GTF2F2: variants seen among roughly 807,000 people sequenced by gnomAD.
GTF2F2 encodes the protein general transcription factor IIF subunit 2.
GTF2F2 carries 23 observed loss-of-function variants against 42.2 expected under a neutral mutation model. That is an observed-to-expected ratio of 0.55 (90% CI 0.39 to 0.77). The LOEUF (loss-of-function observed/expected upper bound fraction) is 0.77, where lower values mean the gene tolerates loss of function less well. Ranked by LOEUF, GTF2F2 falls within the 30% of genes least tolerant of loss-of-function variation. The pLI is 0.00. For missense variants in GTF2F2, 261 were observed against 287.2 expected (o/e 0.91, Z 0.66); for synonymous variants, 105 against 100.8 (o/e 1.04, Z -0.25).
intron 2 of GTF2F2, among the ~76,000 whole-genome samples, chr13:45,139,050 A>G (rs910985052): frequency 6.6e-6 from 1 of 152,260 alleles, no homozygotes; most frequent in African/African-American, 2.4e-5. Context: ...ATCTCAGCGC[A>G]TGTTAAAGCA....
At chr13:45,175,721 C>G (rs569725238) in intron 4 of GTF2F2, among the ~76,000 whole-genome samples, 1 of 152,284 alleles carries the variant, frequency 6.6e-6, no homozygotes, top group East Asian at 1.9e-4. Context: ...CTCCCGGGTT[C>G]AGGTGATTCT....
chr13:45,200,878 G>A (rs1873149596), intron 4 of GTF2F2, among the ~76,000 whole-genome samples: 1 of 152,190 alleles, frequency 6.6e-6, no homozygotes, highest in South Asian at 2.1e-4. Context: ...GTCGACACAG[G>A]TGTGATGTAA....
chr13:45,257,255 A>G (rs958114908), intron 6 of GTF2F2, among the ~76,000 whole-genome samples: 1 of 152,184 alleles, frequency 6.6e-6, no homozygotes, highest in Non-Finnish European at 1.5e-5. Context: ...AGAATACTCC[A>G]TTGAAATCGC....
chr13:45,247,474 C>T (rs886941324), intron 5 of GTF2F2, among the ~76,000 whole-genome samples: 4 of 151,862 alleles, frequency 2.6e-5, no homozygotes, highest in Admixed American at 6.6e-5. Context: ...CTCACTGCAA[C>T]CTCCGCCTCC....
intron 1 of GTF2F2, among the ~76,000 whole-genome samples, chr13:45,121,891 G>T (rs550525724): frequency 2.6e-5 from 4 of 151,020 alleles, no homozygotes; most frequent in Non-Finnish European, 5.9e-5. Flanking sequence ...CATGTTACTT[G>T]GGGGGAGAGT....
intron 4 of GTF2F2, among the ~76,000 whole-genome samples, chr13:45,189,977 C>T (rs1872561006): frequency 6.6e-6 from 1 of 152,132 alleles, no homozygotes; most frequent in South Asian, 2.1e-4. Context: ...ACACCAAAAG[C>T]AATGGCAACA....
intron 4 of GTF2F2, among the ~76,000 whole-genome samples, chr13:45,200,644 G>A (rs1873136695): frequency 6.6e-6 from 1 of 152,154 alleles, no homozygotes; most frequent in Non-Finnish European, 1.5e-5. Flanking sequence ...CAAGTAAAGA[G>A]CAGCTTTTTA....
At chr13:45,277,489 C>T (rs186903076) in intron 7 of GTF2F2, among the ~76,000 whole-genome samples, 4 of 152,256 alleles carry the variant, frequency 2.6e-5, no homozygotes, top group South Asian at 4.1e-4. Flanking sequence ...ATGAGAGTTC[C>T]GTCCCCATGA....
intron 4 of GTF2F2, among the ~76,000 whole-genome samples, chr13:45,167,956 T>C (rs1406384181): frequency 6.6e-6 from 1 of 152,216 alleles, no homozygotes; most frequent in Non-Finnish European, 1.5e-5. Context: ...CACCACCCAG[T>C]GTTGTTTACA....
At chr13:45,281,359 C>T (rs1877253159) in intron 7 of GTF2F2, among the ~76,000 whole-genome samples, 1 of 152,174 alleles carries the variant, frequency 6.6e-6, no homozygotes, top group South Asian at 2.1e-4. Flanking sequence ...TAGGTGACAA[C>T]CTACCCCTAA....
intron 4 of GTF2F2, among the ~76,000 whole-genome samples, chr13:45,159,138 C>G (rs1425313613): frequency 6.6e-6 from 1 of 152,194 alleles, no homozygotes. Flanking sequence ...ACATATTCCC[C>G]AGATAAAGTA....
In GTF2F2 at chr13:45,163,891, C is replaced by T. The variant is rs182684062; in HGVS notation, c.304+12060C>T. On this transcript the variant is annotated intron_variant, in intron 4 of 7. Coordinates refer to ENST00000340473, the MANE Select transcript of GTF2F2 (RefSeq NM_004128.3). ...ATTGAGGGCTGGATGTGGTGGCTCA[C>T]GCCTGTAATCTCAGCACTTTGGGAG... Among the ~76,000 whole-genome samples, 294 of 152,288 alleles carry T rather than the reference C, an allele frequency of 1.9e-3. 2 individuals are homozygous for T. The highest frequency in any genetic ancestry group is 1.3e-3 in the Non-Finnish European group (89 of 68,028).
At chr13:45,143,284 T>C (rs1262572679) in intron 2 of GTF2F2, among the ~76,000 whole-genome samples, 2 of 152,152 alleles carry the variant, frequency 1.3e-5, no homozygotes, top group Non-Finnish European at 2.9e-5. Context: ...TTTAAAAAAA[T>C]GTGTATTTGG....
intron 5 of GTF2F2, among the ~76,000 whole-genome samples, chr13:45,242,140 G>T (rs1875343104): frequency 6.6e-6 from 1 of 151,760 alleles, no homozygotes; most frequent in African/African-American, 2.4e-5. Context: ...TTAAAGCTAG[G>T]CTTCTTCATA....
At chr13:45,267,601 T>C (rs1362163293) in intron 7 of GTF2F2, among the ~76,000 whole-genome samples, 1 of 152,206 alleles carries the variant, frequency 6.6e-6, no homozygotes, top group Non-Finnish European at 1.5e-5. Flanking sequence ...GAAATTATCC[T>C]CATGTTCATT....
chr13:45,126,503 G>A (rs1869010684), intron 1 of GTF2F2, among the ~76,000 whole-genome samples: 1 of 152,120 alleles, frequency 6.6e-6, no homozygotes, highest in Admixed American at 6.5e-5. Flanking sequence ...CCCTGCCTTG[G>A]CCTCCCAAAC....
At chr13:45,203,803 T>C (rs1873309762) in intron 4 of GTF2F2, among the ~76,000 whole-genome samples, 1 of 152,102 alleles carries the variant, frequency 6.6e-6, no homozygotes, top group African/African-American at 2.4e-5. Context: ...TTGAGAGCCT[T>C]TGTTAATCTA....
intron 3 of GTF2F2, among the ~76,000 whole-genome samples, chr13:45,150,728 G>C (rs1286431452): frequency 7.7e-6 from 1 of 130,432 alleles, no homozygotes; most frequent in Non-Finnish European, 1.6e-5. Flanking sequence ...ATTTTTAGTA[G>C]AGACAACGTT....
Position 45,206,368 on chromosome 13 carries a change from T to C in GTF2F2, c.305-1056T>C, listed in dbSNP as rs996223037. The C allele has an allele frequency of 1.6e-4, 24 of 152,358 alleles. No homozygotes were observed. In the South Asian group the frequency reaches 2.5e-3, roughly 16 times the overall value. The allele number at this position is 152,358 out of a possible 1,614,324, so 9.4% of individuals were successfully genotyped here. A position where few individuals can be genotyped will look rare whatever the true frequency, so the allele number is the denominator to read the frequency against. On this transcript the variant is annotated intron_variant, in intron 4 of 7. Coordinates refer to ENST00000340473, the MANE Select transcript of GTF2F2 (RefSeq NM_004128.3). The stretch of plus-strand genomic sequence containing the variant: ...TATCTGTCTCCCCCAGTGAACTGTA[T>C]GCTTCTTGAAAACAGTACTGTGTCT...
Sources: gnomAD v4.1 joint callset for allele counts (sites outside exome capture counted in the v4.1 genomes callset) on GRCh38, gnomAD v4.1.1 for gene constraint, MANE v1.5 for transcripts, NCBI Gene and HGNC (gene_info 2026-07-23, HGNC 2026-07-21) for gene names.